The following TTC39B variants were observed in gnomAD, a reference collection of about 807,000 sequenced individuals.
TTC39B encodes the protein tetratricopeptide repeat protein 39B.
A neutral mutation model predicts 96.6 loss-of-function variants in TTC39B; 92 were observed. The observed-to-expected ratio is 0.95, with a 90% CI of 0.80 to 1.13. The LOEUF (loss-of-function observed/expected upper bound fraction) is 1.13, where lower values mean the gene tolerates loss of function less well. Among genes scored for constraint, TTC39B ranks in the 50% most tolerant of loss-of-function variants. The pLI, the probability that TTC39B is intolerant of heterozygous loss-of-function variation, is 0.00. For missense variants in TTC39B, 955 were observed against 809.3 expected, an observed-to-expected ratio of 1.18 and a Z score of -2.18; for synonymous variants, 367 against 299.4, an observed-to-expected ratio of 1.23 and a Z score of -2.33.
intron 6 of TTC39B, among the ~76,000 whole-genome samples, chr9:15,205,341 T>C (rs1021570293): frequency 3.9e-5 from 6 of 152,226 alleles, no homozygotes; most frequent in African/African-American, 1.2e-4. Context: ...TAGTGCTAAA[T>C]AGACTTAGAT....
intron 2 of TTC39B, among the ~76,000 whole-genome samples, chr9:15,264,524 A>T (rs1823054308): frequency 6.6e-6 from 1 of 151,856 alleles, no homozygotes; most frequent in African/African-American, 2.4e-5. Context: ...CGTAGTTGGC[A>T]GGCGCCTATA....
At chr9:15,262,431 T>C (rs1822979727) in intron 2 of TTC39B, among the ~76,000 whole-genome samples, 1 of 152,218 alleles carries the variant, frequency 6.6e-6, no homozygotes, top group Non-Finnish European at 1.5e-5. Flanking sequence ...ATGGTCAATG[T>C]ACTACTAACA....
intron 1 of TTC39B, among the ~76,000 whole-genome samples, chr9:15,291,937 C>A (rs1176398701): frequency 6.6e-6 from 1 of 152,188 alleles, no homozygotes; most frequent in African/African-American, 2.4e-5. Flanking sequence ...GAGCTTCAGT[C>A]TCCTGATCAA....
chr9:15,187,909 T>C (rs1017906572), intron 14 of TTC39B, 62 bp downstream of exon 14: 11 of 1,483,616 alleles, frequency 7.4e-6, no homozygotes, highest in African/African-American at 4.2e-5. Context: ...CAGTCCTAAA[T>C]GAAAATCATC....
chr9:15,190,814 C>A (rs934704556), intron 10 of TTC39B, 152 bp from the exon 11 acceptor site: 123 of 672,820 alleles, frequency 1.8e-4, no homozygotes, highest in Non-Finnish European at 2.6e-4. Context: ...GTCCCTATCA[C>A]CGCAAGAGTG....
chr9:15,173,591 A>C (rs959629693), intron 19 of TTC39B, among the ~76,000 whole-genome samples: 2 of 152,026 alleles, frequency 1.3e-5, no homozygotes, highest in Non-Finnish European at 2.9e-5. Context: ...TGTCTTCCTA[A>C]CTCTCTTAAT....
At chr9:15,261,147 C>T (rs1172893555) in intron 2 of TTC39B, among the ~76,000 whole-genome samples, 2 of 152,226 alleles carry the variant, frequency 1.3e-5, no homozygotes, top group South Asian at 4.2e-4. Flanking sequence ...ATTTTTGTCC[C>T]ATTGCCCACA....
chr9:15,241,646 A>C (rs1396927748), intron 2 of TTC39B, among the ~76,000 whole-genome samples: 1 of 152,212 alleles, frequency 6.6e-6, no homozygotes, highest in African/African-American at 2.4e-5. Flanking sequence ...AACACAACAG[A>C]ATATGAATCC....
chr9:15,281,939 A>C (rs1201738072), intron 1 of TTC39B, among the ~76,000 whole-genome samples: 1 of 152,098 alleles, frequency 6.6e-6, no homozygotes, highest in East Asian at 1.9e-4. Context: ...CAGCCTCCCA[A>C]AGTGTTGAGA....
At chr9:15,186,865 T>A in intron 15 of TTC39B, 79 bp downstream of exon 15, 1 of 1,323,768 alleles carries the variant, frequency 7.6e-7, no homozygotes, top group Non-Finnish European at 1.1e-6. Flanking sequence ...CCAGCTAATT[T>A]TTTGTATTTT....
chr9:15,184,707 C>T (rs1247609987), intron 16 of TTC39B, among the ~76,000 whole-genome samples: 2 of 152,190 alleles, frequency 1.3e-5, no homozygotes, highest in African/African-American at 4.8e-5. Flanking sequence ...ACTGGAAATA[C>T]AGCTAGACCA....
intron 2 of TTC39B, among the ~76,000 whole-genome samples, chr9:15,253,049 C>A (rs1305525296): frequency 6.6e-6 from 1 of 152,196 alleles, no homozygotes; most frequent in African/African-American, 2.4e-5. Context: ...CTTGCACAGG[C>A]TTCATGCATA....
rs927413801 is a variant in TTC39B at position 15,249,336 on chromosome 9, A to T, written c.275+18578T>A. ...CAAAGGTCACTTTTTGGTAGCTCAC[A>T]TTTACTGTAATCTGCTACAAAGAGA... On this transcript the variant is annotated intron_variant, in intron 2 of 19. Coordinates refer to ENST00000512701, the Ensembl canonical transcript of TTC39B. 8.5e-5 allele frequency: 13 copies of T among 152,340 alleles called. 1 individual carries two copies. Among genetic ancestry groups the T allele is most frequent in the Admixed American group, 4.6e-4 (7 of 15,296 alleles). The allele number at this position is 152,340 out of a possible 1,614,324, so 9.4% of individuals were successfully genotyped here.
intron 17 of TTC39B, among the ~76,000 whole-genome samples, chr9:15,179,777 T>G (rs1818148812): frequency 1.3e-5 from 2 of 152,208 alleles, no homozygotes; most frequent in Non-Finnish European, 1.5e-5. Flanking sequence ...GAATGATGAT[T>G]TTGTTGAGGA....
chr9:15,290,568 C>T (rs1263999437), intron 1 of TTC39B, among the ~76,000 whole-genome samples: 1 of 152,224 alleles, frequency 6.6e-6, no homozygotes, highest in Admixed American at 6.5e-5. Context: ...ACCATCCACC[C>T]AGAGACAAAT....
chr9:15,257,258 A>G (rs1380930015), intron 2 of TTC39B, among the ~76,000 whole-genome samples: 2 of 152,194 alleles, frequency 1.3e-5, no homozygotes, highest in African/African-American at 2.4e-5. Flanking sequence ...TGTTTTGAAG[A>G]AATATATTTT....
chr9:15,270,074 G>A (rs1372778430), intron 1 of TTC39B, among the ~76,000 whole-genome samples: 1 of 151,964 alleles, frequency 6.6e-6, no homozygotes, highest in African/African-American at 2.4e-5. Flanking sequence ...GGAGGCTGAG[G>A]CACAAGAATC....
intron 2 of TTC39B, 133 bp from the exon 3 acceptor site, chr9:15,226,145 A>G: frequency 3.0e-6 from 2 of 667,304 alleles, no homozygotes. Flanking sequence ...ATCAATTTTA[A>G]AAATCAAGTA....
chr9:15,233,662 A>G lies in TTC39B; in HGVS notation c.276-7650T>C, dbSNP rs563963756. 8.5e-5 allele frequency among the ~76,000 whole-genome samples: 13 copies of G among 152,312 alleles called. No individual in the cohort carries two copies. In the East Asian group the frequency reaches 2.1e-3, roughly 25 times the overall value. ...CGGAGTCTCGTTCGCTCAGTGCTCA[A>G]TGGTGCCCAGGCTGGAGTGCAGTGG... On this transcript the variant is annotated intron_variant, in intron 2 of 19. Coordinates refer to ENST00000512701, the Ensembl canonical transcript of TTC39B.
Sources: gnomAD v4.1 joint callset for allele counts (sites outside exome capture counted in the v4.1 genomes callset) on GRCh38, gnomAD v4.1.1 for gene constraint, MANE v1.5 for transcripts, NCBI Gene and HGNC (gene_info 2026-07-23, HGNC 2026-07-21) for gene names.